The following RTL9 variants were observed in gnomAD, a reference collection of about 807,000 sequenced individuals.
The protein encoded by RTL9 is retrotransposon Gag like 9, also known as retrotransposon Gag-like protein 9.
Under a neutral mutation model 44.7 loss-of-function variants are expected in RTL9, and 19 were observed. The ratio of observed to expected loss-of-function variants is 0.42; its 90% CI spans 0.30 to 0.62. RTL9 has a LOEUF of 0.62. Ranked by LOEUF, RTL9 falls within the 20% of genes least tolerant of loss-of-function variation. RTL9 has a pLI of 0.16. For synonymous variants in RTL9, 407 were observed against 398.9 expected (o/e 1.02, Z -0.24); for missense variants, 1,105 against 1,080.6 (o/e 1.02, Z -0.32).
chrX:110,419,499 T>G (rs2068702227), intron 1 of RTL9, among the ~76,000 whole-genome samples: 1 of 112,710 alleles, frequency 8.9e-6, no homozygotes, highest in Non-Finnish European at 1.9e-5. Context: ...TTATGTCTAT[T>G]TATATTTGTC....
At chrX:110,453,866 C>T (rs1444616783) in exon 1 of RTL9, 7 of 1,212,078 alleles carry the variant, frequency 5.8e-6, no homozygotes, top group Non-Finnish European at 7.8e-6. Context: ...GAACAATGTC[C>T]ACACCACAGA....
At chrX:110,422,310 G>C (rs1057025059) in intron 1 of RTL9, among the ~76,000 whole-genome samples, 2 of 112,686 alleles carry the variant, frequency 1.8e-5, no homozygotes, top group Non-Finnish European at 3.7e-5. Context: ...GCCTTTTGTT[G>C]TCCTTACCTG....
At chrX:110,399,186 G>T (rs1277041881) in intron 1 of RTL9, among the ~76,000 whole-genome samples, 2 of 112,273 alleles carry the variant, frequency 1.8e-5, no homozygotes, top group South Asian at 3.7e-4. Flanking sequence ...TCACTGCCAG[G>T]CACTCTCCTA....
intron 1 of RTL9, among the ~76,000 whole-genome samples, chrX:110,443,420 G>T (rs2068893214): frequency 8.9e-6 from 1 of 111,950 alleles, no homozygotes; most frequent in Non-Finnish European, 1.9e-5. Flanking sequence ...AGCACTTGAT[G>T]CAGGGTTTCC....
upstream of RTL9, among the ~76,000 whole-genome samples, chrX:110,418,905 G>A (rs1310687692): frequency 1.0e-5 from 1 of 98,298 alleles, no homozygotes; most frequent in Non-Finnish European, 2.0e-5. Context: ...GCCCACCCCC[G>A]CCCTTTACAC....
intron 1 of RTL9, among the ~76,000 whole-genome samples, chrX:110,434,902 G>A (rs898092274): frequency 4.6e-5 from 5 of 109,487 alleles, no homozygotes; most frequent in African/African-American, 1.7e-4. Flanking sequence ...GAGGGAGGTG[G>A]TGGGGGACAC....
At chrX:110,403,009 C>T (rs1249033076) in intron 1 of RTL9, among the ~76,000 whole-genome samples, 1 of 111,663 alleles carries the variant, frequency 9.0e-6, no homozygotes, top group Non-Finnish European at 1.9e-5. Flanking sequence ...TGGGTGTTCC[C>T]CAATCCAGAT....
chrX:110,451,159 T>C (rs748516681), exon 1 of RTL9: 2 of 1,212,011 alleles, frequency 1.7e-6, no homozygotes, highest in Admixed American at 4.3e-5. Context: ...TGTACACCTA[T>C]AATGAGCACT....
At chrX:110,406,679 CA>C (rs906709134) in intron 1 of RTL9, among the ~76,000 whole-genome samples, 1 of 112,060 alleles carries the variant, frequency 8.9e-6, no homozygotes, top group African/African-American at 3.3e-5. Context: ...GAAGAATCTC[CA>C]GTGTCTTCCA....
intron 1 of RTL9, among the ~76,000 whole-genome samples, chrX:110,385,822 C>T (rs1459238830): frequency 9.0e-6 from 1 of 111,221 alleles, no homozygotes; most frequent in African/African-American, 3.3e-5. Context: ...ACCTCCCTTC[C>T]TCCCCTGTCT....
At chrX:110,372,175 G>C (rs994817306) in intron 1 of RTL9, among the ~76,000 whole-genome samples, 5 of 112,101 alleles carry the variant, frequency 4.5e-5, no homozygotes, top group Non-Finnish European at 1.9e-5. Context: ...AAGCCTATTC[G>C]TTATTGTTTC....
At chrX:110,391,800 C>G (rs761496985) in intron 1 of RTL9, among the ~76,000 whole-genome samples, 2 of 112,376 alleles carry the variant, frequency 1.8e-5, no homozygotes, top group Non-Finnish European at 3.8e-5. Context: ...TTGGACCGAA[C>G]AGCATAGTCG....
chrX:110,446,429 C>T (rs193119925), upstream of RTL9, among the ~76,000 whole-genome samples: 569 of 110,265 alleles, frequency 5.2e-3, 5 homozygotes, highest in African/African-American at 0.018. Context: ...GGTGGATGTC[C>T]GGGATTCCTA....
At chrX:110,409,994 T>C (rs2068630523) in intron 1 of RTL9, among the ~76,000 whole-genome samples, 1 of 112,054 alleles carries the variant, frequency 8.9e-6, no homozygotes, top group Non-Finnish European at 1.9e-5. Flanking sequence ...CAGAGTCTGA[T>C]TCAGTAAGTC....
chrX:110,453,235 C>G, exon 1 of RTL9: 1 of 1,211,292 alleles, frequency 8.3e-7, no homozygotes, highest in Non-Finnish European at 1.1e-6. Context: ...GTGACATCCA[C>G]ATCACAAATG....
rs376741175 is a variant in RTL9, at chrX:110,381,798, C to T, written c.-168+22882C>T. 3.9e-4 allele frequency among the ~76,000 whole-genome samples: 43 copies of T among 110,508 alleles called. No homozygotes were observed. In the East Asian group the frequency reaches 6.8e-3, roughly 18 times the overall value. ...CATGGATGCAGCTGAAGGCCATTAT[C>T]CTAAGCAAATTAATGCAAAAAAAAA... On this transcript the variant is annotated intron_variant, in intron 1 of 2. Coordinates refer to the RTL9 transcript ENST00000520821.
chrX:110,419,006 C>T (rs1405424513), upstream of RTL9: 8 of 110,661 alleles, frequency 7.2e-5, no homozygotes, highest in Middle Eastern at 4.7e-3. Context: ...TTTCAGTCTC[C>T]CTGGGTAGCT....
At chrX:110,385,800 C>T (rs767760492) in intron 1 of RTL9, among the ~76,000 whole-genome samples, 3 of 111,379 alleles carry the variant, frequency 2.7e-5, no homozygotes, top group South Asian at 7.6e-4. Context: ...GGTAGTTTTT[C>T]GGGCCTTGTC....
upstream of RTL9, among the ~76,000 whole-genome samples, chrX:110,445,632 G>T (rs2068904069): frequency 8.9e-6 from 1 of 111,909 alleles, no homozygotes; most frequent in South Asian, 3.8e-4. Flanking sequence ...CTTGGGGAAA[G>T]AATATTGTTG....
Sources: gnomAD v4.1 joint callset for allele counts (sites outside exome capture counted in the v4.1 genomes callset) on GRCh38, gnomAD v4.1.1 for gene constraint, MANE v1.5 for transcripts, NCBI Gene and HGNC (gene_info 2026-07-23, HGNC 2026-07-21) for gene names.